ALK: variants seen among roughly 807,000 people sequenced by gnomAD.
ALK encodes the protein ALK tyrosine kinase receptor.
In ALK, 74 loss-of-function variants were observed where a neutral mutation model predicts 163.1. That is an observed-to-expected ratio of 0.45 (90% CI 0.38 to 0.55). The LOEUF is 0.55. Among genes scored for constraint, ALK ranks in the 20% least tolerant of loss-of-function variants. The probability of loss-of-function intolerance (pLI) is 0.00; values close to 1 mark genes in which losing one functional copy is unlikely to be tolerated. For missense variants in ALK, 2,063 were observed against 2,105.3 expected (o/e 0.98, Z 0.39); for synonymous variants, 960 against 843.2 (o/e 1.14, Z -2.40).
rs150487874 is a variant in ALK at position 29,193,404 on chromosome 2, C to T, written c.4683G>A (p.Ser1561=). Residue 1561 remains serine (S), a synonymous_variant, in exon 29 of 29, where the codon TCG becomes TCA. Transcript: ENST00000389048. ...GTACCTCCTTCATATTGGCAGTCAG[C>T]GAAGAGGGCTCTAGGAGCAGTGAGG... ...PGASLLLEPS[S]LTANMKEVPL... The T allele has an allele frequency of 8.1e-6, 13 of 1,614,014 alleles. No individual in the cohort carries two copies. In the East Asian group the frequency reaches 1.3e-4, roughly 17 times the overall value.
intron 4 of ALK, among the ~76,000 whole-genome samples, chr2:29,390,046 A>G (rs1184083542): frequency 6.6e-6 from 1 of 152,200 alleles, no homozygotes; most frequent in East Asian, 1.9e-4. Context: ...AAAACTTATT[A>G]AAGGTCTACT....
chr2:29,314,002 C>T (rs76654224), intron 8 of ALK, among the ~76,000 whole-genome samples: 1,861 of 152,178 alleles, frequency 0.012, 40 homozygotes, highest in African/African-American at 0.042. Flanking sequence ...TGCCTGCTGC[C>T]GAGGTCGGGG....
chr2:29,485,193 C>G (rs1413119854), intron 4 of ALK, among the ~76,000 whole-genome samples: 1 of 152,176 alleles, frequency 6.6e-6, no homozygotes, highest in Non-Finnish European at 1.5e-5. Flanking sequence ...TTCCATGTCT[C>G]TAAACCACTT....
intron 26 of ALK, among the ~76,000 whole-genome samples, chr2:29,206,208 T>C (rs147946019): frequency 1.3e-3 from 192 of 150,830 alleles, no homozygotes; most frequent in African/African-American, 4.4e-3. Context: ...CCCTTTCTTC[T>C]CTCTCCTCTC....
intron 11 of ALK, among the ~76,000 whole-genome samples, chr2:29,261,442 A>G (rs530154439): frequency 6.6e-6 from 1 of 151,768 alleles, no homozygotes; most frequent in East Asian, 1.9e-4. Context: ...CCAGAATCCT[A>G]GAAACATTTT....
intron 4 of ALK, among the ~76,000 whole-genome samples, chr2:29,523,714 T>C (rs1672875008): frequency 6.6e-6 from 1 of 152,092 alleles, no homozygotes; most frequent in South Asian, 2.1e-4. Flanking sequence ...GGGTTACAGG[T>C]ATTCACAGTT....
At chr2:29,826,524 C>T (rs190272957) in intron 1 of ALK, among the ~76,000 whole-genome samples, 1 of 151,930 alleles carries the variant, frequency 6.6e-6, no homozygotes, top group Non-Finnish European at 1.5e-5. Context: ...CAGGGTTTAG[C>T]ATTCACATAC....
chr2:29,800,968 C>T (rs536499851), intron 1 of ALK, among the ~76,000 whole-genome samples: 1 of 152,302 alleles, frequency 6.6e-6, no homozygotes, highest in African/African-American at 2.4e-5. Flanking sequence ...GGCCTCCCCT[C>T]TCTCACCCAA....
chr2:29,839,018 C>G (rs1469855148), intron 1 of ALK, among the ~76,000 whole-genome samples: 1 of 152,124 alleles, frequency 6.6e-6, no homozygotes, highest in African/African-American at 2.4e-5. Context: ...ACTGGCATCA[C>G]TTTTACCACC....
intron 3 of ALK, among the ~76,000 whole-genome samples, chr2:29,615,237 T>C (rs540651216): frequency 3.9e-5 from 6 of 152,326 alleles, no homozygotes; most frequent in Non-Finnish European, 5.9e-5. Flanking sequence ...CCAGATATCA[T>C]GCCACCTCCT....
Position 29,318,339 on chromosome 2 carries a change from T to C in ALK, c.1612A>G (p.Thr538Ala). ...ASESATVTSATFPAPIKSSPC... is the reference protein window; with the variant it reads ...ASESATVTSAAFPAPIKSSPC... ...GAGCTCTTGATCGGTGCAGGAAACGTAGCACTGGTCACTGTAGCACTTTCA... is the reference window on the plus strand; with the variant it reads ...GAGCTCTTGATCGGTGCAGGAAACGCAGCACTGGTCACTGTAGCACTTTCA... The change falls in exon 8 of 29, where the codon ACG (threonine) becomes GCG (alanine). Residue 538 changes from threonine (T) to alanine (A), a missense_variant. This residue lies in a region of ALK where 987 missense variants were observed against 939.5 expected (regional missense o/e 1.05). Coordinates refer to ENST00000389048, the MANE Select transcript of ALK (RefSeq NM_004304.5). 1 of 1,613,980 alleles carries C rather than the reference T, an allele frequency of 6.2e-7. No homozygotes were observed. The highest frequency in any genetic ancestry group is 8.5e-7 in the Non-Finnish European group (1 of 1,179,888).
intron 3 of ALK, among the ~76,000 whole-genome samples, chr2:29,575,417 G>T (rs529698713): frequency 1.3e-5 from 2 of 152,168 alleles, no homozygotes; most frequent in South Asian, 4.2e-4. Flanking sequence ...CAATTGATAG[G>T]CTTCCTACCC....
intron 3 of ALK, among the ~76,000 whole-genome samples, chr2:29,671,409 A>C (rs1677684277): frequency 6.6e-6 from 1 of 152,082 alleles, no homozygotes; most frequent in Non-Finnish European, 1.5e-5. Context: ...TGAGTTACAG[A>C]GTAGAGTTTC....
intron 1 of ALK, among the ~76,000 whole-genome samples, chr2:29,896,070 G>A (rs1667261200): frequency 6.6e-6 from 1 of 152,170 alleles, no homozygotes; most frequent in African/African-American, 2.4e-5. Context: ...TGGTAGTGTG[G>A]GTGCAGGGAG....
chr2:29,543,455 C>A (rs975335456), intron 3 of ALK, among the ~76,000 whole-genome samples: 10 of 152,162 alleles, frequency 6.6e-5, no homozygotes, highest in African/African-American at 2.4e-4. Context: ...CAGTGCCAGC[C>A]CAAAGGGCAC....
chr2:29,669,050 G>T (rs1282474530), intron 3 of ALK, among the ~76,000 whole-genome samples: 3 of 151,778 alleles, frequency 2.0e-5, no homozygotes, highest in Non-Finnish European at 4.4e-5. Flanking sequence ...ATTTTGGTGG[G>T]GACACAGCCA....
chr2:29,726,103 A>G (rs574154425), intron 1 of ALK, among the ~76,000 whole-genome samples: 1 of 152,226 alleles, frequency 6.6e-6, no homozygotes, highest in African/African-American at 2.4e-5. Flanking sequence ...TTTTTATTTT[A>G]CTAATCCAAG....
chr2:29,505,006 A>G (rs1345227150), intron 4 of ALK, among the ~76,000 whole-genome samples: 1 of 152,164 alleles, frequency 6.6e-6, no homozygotes, highest in Non-Finnish European at 1.5e-5. Context: ...GGTGGGGCAG[A>G]GACCCCAGAC....
chr2:29,717,468 G>C (rs1679294565), intron 2 of ALK, 110 bp downstream of exon 2: 1 of 1,318,858 alleles, frequency 7.6e-7, no homozygotes, highest in Non-Finnish European at 1.1e-6. Context: ...TTGCATATAG[G>C]GAGCTGAGGG....
Sources: gnomAD v4.1 joint callset for allele counts (sites outside exome capture counted in the v4.1 genomes callset) on GRCh38, gnomAD v4.1.1 for gene constraint, gnomAD v4.1.1 regional missense constraint, MANE v1.5 for transcripts, NCBI Gene and HGNC (gene_info 2026-07-23, HGNC 2026-07-21) for gene names.